The following METTL16 variants were observed in gnomAD, a reference collection of about 807,000 sequenced individuals.
The protein encoded by METTL16 is methyltransferase 16, RNA N6-adenosine, also known as RNA N(6)-adenosine-methyltransferase METTL16.
In METTL16, 19 loss-of-function variants were observed where a neutral mutation model predicts 57.9. The observed-to-expected ratio is 0.33, with a 90% CI of 0.23 to 0.48. The LOEUF is 0.48. Among genes scored for constraint, METTL16 ranks in the 20% least tolerant of loss-of-function variants. The pLI is 0.99. For synonymous variants in METTL16, 246 were observed against 255.6 expected (o/e 0.96, Z 0.36); for missense variants, 434 against 691.5 (o/e 0.63, Z 4.18).
chr17:2,449,755 A>G (rs1567890369), intron 6 of METTL16, among the ~76,000 whole-genome samples: 2 of 152,240 alleles, frequency 1.3e-5, no homozygotes, highest in Non-Finnish European at 2.9e-5. Context: ...AAAGGCAACT[A>G]TAGACTGGGA....
rs937632908 is a variant in METTL16 at position 2,492,153 on chromosome 17, G to C, written c.128+10051C>G. Among the ~76,000 whole-genome samples, 11 of 152,048 alleles carry C rather than the reference G, an allele frequency of 7.2e-5. 2 individuals carry two copies. In the South Asian group the frequency reaches 2.3e-3, roughly 32 times the overall value. ...GTGAACCTGGGAGGCGGAGCTTGCA[G>C]TGAGCCGAGATTGCGCCACTGCACT... On this transcript the variant is annotated intron_variant, in intron 2 of 9. Transcript: ENST00000263092.
intron 6 of METTL16, among the ~76,000 whole-genome samples, chr17:2,458,333 G>C (rs139617158): frequency 1.3e-5 from 2 of 152,020 alleles, no homozygotes; most frequent in East Asian, 3.9e-4. Context: ...TGCCATAAAG[G>C]GCATCAGTTA....
intron 2 of METTL16, among the ~76,000 whole-genome samples, chr17:2,489,431 G>C (rs1363035757): frequency 2.0e-5 from 3 of 152,214 alleles, no homozygotes; most frequent in Non-Finnish European, 2.9e-5. Flanking sequence ...GAGGCAGGCA[G>C]GTCACCTGAC....
intron 8 of METTL16, among the ~76,000 whole-genome samples, chr17:2,430,732 G>T (rs913711412): frequency 9.2e-5 from 14 of 151,660 alleles, no homozygotes; most frequent in Non-Finnish European, 1.6e-4. Context: ...TATATTTTTA[G>T]AATTTTTTTT....
chr17:2,444,627 C>T (rs1288149674), intron 6 of METTL16, among the ~76,000 whole-genome samples: 5 of 151,948 alleles, frequency 3.3e-5, no homozygotes, highest in Admixed American at 6.6e-5. Flanking sequence ...CCTTCATATT[C>T]GCTCGCCACT....
At chr17:2,446,570 C>A (rs1426442965) in intron 6 of METTL16, among the ~76,000 whole-genome samples, 1 of 151,352 alleles carries the variant, frequency 6.6e-6, no homozygotes, top group East Asian at 1.9e-4. Flanking sequence ...ATCACAAGGT[C>A]AAGAGATCAA....
intron 8 of METTL16, among the ~76,000 whole-genome samples, chr17:2,437,575 A>G (rs1302331928): frequency 2.0e-5 from 3 of 152,188 alleles, no homozygotes; most frequent in Non-Finnish European, 1.5e-5. Flanking sequence ...TTTTTGAGAC[A>G]GAGTCTTGCT....
chr17:2,467,988 G>A lies in METTL16; in HGVS notation c.470-112C>T, dbSNP rs28645764. ...CAACTGCATATATGATGGTGGTCCC[G>A]TAAGATTATAACACCACATTTTTAC... is the stretch of plus-strand genomic sequence containing the variant. On this transcript the variant is annotated intron_variant, in intron 4 of 9. Coordinates refer to ENST00000263092, the MANE Select transcript of METTL16 (RefSeq NM_024086.4). 2,676 of 719,026 alleles carry A rather than the reference G, an allele frequency of 3.7e-3. 44 individuals are homozygous for A. In the African/African-American group the frequency reaches 0.04, roughly 11 times the overall value. The allele number at this position is 719,026 out of a possible 1,614,324, so 44.5% of individuals were successfully genotyped here. A position where few individuals can be genotyped will look rare whatever the true frequency, so the allele number is the denominator to read the frequency against.
intron 7 of METTL16, among the ~76,000 whole-genome samples, chr17:2,439,283 G>C (rs772565691): frequency 3.3e-5 from 5 of 152,014 alleles, no homozygotes; most frequent in Non-Finnish European, 5.9e-5. Flanking sequence ...CTAACTTTTT[G>C]TATTTTTTTG....
intron 6 of METTL16, among the ~76,000 whole-genome samples, chr17:2,457,295 G>A (rs112549866): frequency 0.13 from 16,972 of 134,648 alleles, 3,239 homozygotes; most frequent in African/African-American, 0.42. Context: ...CCGAGATCGC[G>A]CCACTGCACT....
intron 1 of METTL16, among the ~76,000 whole-genome samples, chr17:2,510,112 T>A (rs1394362375): frequency 1.3e-5 from 2 of 152,076 alleles, no homozygotes; most frequent in Admixed American, 1.3e-4. Flanking sequence ...TTCTTGTGAT[T>A]CTGGCAAGCA....
At chr17:2,452,136 C>CA (rs1268908998) in intron 6 of METTL16, among the ~76,000 whole-genome samples, 13,445 of 61,732 alleles carry the variant, frequency 0.22, 2,294 homozygotes, top group African/African-American at 0.45. Context: ...GCCCTTGTCT[C>CA]AAAAAAAAAA....
At chr17:2,426,347 A>G (rs1384247504) in intron 8 of METTL16, among the ~76,000 whole-genome samples, 7 of 152,152 alleles carry the variant, frequency 4.6e-5, no homozygotes, top group African/African-American at 1.7e-4. Flanking sequence ...GCACATCACC[A>G]CACCCAGCCC....
intron 6 of METTL16, among the ~76,000 whole-genome samples, chr17:2,445,661 C>A (rs1253548635): frequency 1.3e-5 from 2 of 151,870 alleles, no homozygotes; most frequent in African/African-American, 4.8e-5. Context: ...TGGCACACAC[C>A]TGTAATCCTA....
Position 2,420,357 on chromosome 17 carries a change from A to C in METTL16, c.1302T>G (p.Pro434=). The change falls in exon 10 of 10, where the codon CCT becomes CCG. Residue 434 remains proline (P), a synonymous_variant. Coordinates refer to ENST00000263092, the MANE Select transcript of METTL16 (RefSeq NM_024086.4). This position sits in a 1 kb window ranked among gnomAD's most constrained non-coding sequence, Gnocchi z 5.4. The part of the protein sequence containing the change: ...RGPQERTPCG[P]ALREGEAAAV... ...CGGCAGCCTCGCCTTCCCGCAGAGC[A>C]GGCCCACAGGGGGTCCTCTCCTGGG... The C allele has an allele frequency of 1.2e-6, 2 of 1,612,058 alleles. No homozygotes were observed. Among genetic ancestry groups the C allele is most frequent in the African/African-American group, 2.7e-5 (2 of 75,072 alleles).
chr17:2,488,398 A>C (rs1421793378), intron 2 of METTL16, among the ~76,000 whole-genome samples: 1 of 152,026 alleles, frequency 6.6e-6, no homozygotes, highest in Admixed American at 6.6e-5. Flanking sequence ...CTCTACTAGA[A>C]ATACAAAAAT....
chr17:2,437,129 G>A lies in METTL16; in HGVS notation c.888+980C>T, dbSNP rs566492483. Among the ~76,000 whole-genome samples the A allele has an allele frequency of 9.9e-5, 15 of 152,206 alleles. 1 individual carries two copies. In the East Asian group the frequency reaches 1.9e-3, roughly 20 times the overall value. On this transcript the variant is annotated intron_variant, in intron 8 of 9. Coordinates refer to ENST00000263092, the MANE Select transcript of METTL16 (RefSeq NM_024086.4). ...ACTCCTGAGTTCAAGTGATCTGCCC[G>A]CCTCGGCCTCCCAAAGTGTTGAGAT...
In METTL16 at chr17:2,419,882, TG is replaced by T; in HGVS notation, c.*87del. ...AGATAATTCCACATCGTGCTACTAA[TG>T]GGCCGCTGGTAGGATTCCTCTTGCC... On this transcript the variant is annotated 3_prime_UTR_variant, in exon 10 of 10. Transcript: ENST00000263092. The T allele has an allele frequency of 6.8e-7, 1 of 1,481,462 alleles. No homozygotes were observed. The highest frequency in any genetic ancestry group is 9.3e-7 in the Non-Finnish European group (1 of 1,076,206). The allele number at this position is 1,481,462 out of a possible 1,614,324, so 91.8% of individuals were successfully genotyped here.
intron 8 of METTL16, among the ~76,000 whole-genome samples, chr17:2,429,331 G>A (rs1478014467): frequency 6.6e-6 from 1 of 150,550 alleles, no homozygotes; most frequent in Non-Finnish European, 1.5e-5. Context: ...TGGGACTACA[G>A]GCGTGTATCA....
Sources: allele counts gnomAD v4.1 joint callset (sites outside exome capture counted in the v4.1 genomes callset), GRCh38; gene constraint gnomAD v4.1.1; non-coding constraint Gnocchi (gnomAD v3.1); transcripts MANE v1.5; gene names NCBI Gene and HGNC (gene_info 2026-07-23, HGNC 2026-07-21).